SWAP70: variants seen among roughly 807,000 people sequenced by gnomAD.
The protein encoded by SWAP70 is switching B cell complex subunit SWAP70.
Under a neutral mutation model 80.2 loss-of-function variants are expected in SWAP70, and 34 were observed. That is an observed-to-expected ratio of 0.42 (90% CI 0.32 to 0.56). The LOEUF is 0.56. SWAP70 is among the 20% of genes least tolerant of loss of function. The probability of loss-of-function intolerance (pLI) is 0.09; values close to 1 mark genes in which losing one functional copy is unlikely to be tolerated. For missense variants in SWAP70, 578 were observed against 690.7 expected, an observed-to-expected ratio of 0.84 and a Z score of 1.83; for synonymous variants, 239 against 238.5, an observed-to-expected ratio of 1.00 and a Z score of -0.02.
intron 1 of SWAP70, among the ~76,000 whole-genome samples, chr11:9,672,314 G>A (rs1193225133): frequency 7.0e-6 from 1 of 142,876 alleles, no homozygotes; most frequent in East Asian, 2.0e-4. Flanking sequence ...TGAAAAGCTT[G>A]GAATATTGAC....
intron 1 of SWAP70, among the ~76,000 whole-genome samples, chr11:9,672,463 A>G (rs918305647): frequency 6.6e-6 from 1 of 150,802 alleles, no homozygotes; most frequent in African/African-American, 2.4e-5. Flanking sequence ...CTCCATGCTG[A>G]AGTGATCCTC....
At chr11:9,742,765 G>A (rs1243086178) in intron 9 of SWAP70, among the ~76,000 whole-genome samples, 2 of 152,120 alleles carry the variant, frequency 1.3e-5, no homozygotes, top group Non-Finnish European at 2.9e-5. Context: ...GGCCTTTCTG[G>A]ATAGAAAAAT....
chr11:9,678,356 C>G (rs1362356569), intron 1 of SWAP70, among the ~76,000 whole-genome samples: 2 of 151,736 alleles, frequency 1.3e-5, no homozygotes, highest in East Asian at 1.9e-4. Flanking sequence ...GGGCAGCTCT[C>G]TAAATAAAGA....
At chr11:9,708,402 T>C (rs137965755) in intron 2 of SWAP70, among the ~76,000 whole-genome samples, 1 of 152,348 alleles carries the variant, frequency 6.6e-6, no homozygotes, top group Non-Finnish European at 1.5e-5. Context: ...TAAGTGATGT[T>C]GAGCATCTTC....
chr11:9,679,660 T>C (rs1850542960), intron 1 of SWAP70, among the ~76,000 whole-genome samples: 1 of 152,128 alleles, frequency 6.6e-6, no homozygotes, highest in African/African-American at 2.4e-5. Context: ...ATTTTTTATA[T>C]TTTTATTTAT....
At chr11:9,673,699 C>G (rs1423878032) in intron 1 of SWAP70, among the ~76,000 whole-genome samples, 1 of 152,032 alleles carries the variant, frequency 6.6e-6, no homozygotes, top group Non-Finnish European at 1.5e-5. Flanking sequence ...AAATGAAGGT[C>G]TTGTGGCCTT....
chr11:9,691,081 C>CT (rs1850692153), intron 1 of SWAP70, among the ~76,000 whole-genome samples: 1 of 152,068 alleles, frequency 6.6e-6, no homozygotes, highest in Non-Finnish European at 1.5e-5. Context: ...CCACATCCAG[C>CT]TAGCTTTTGT....
intron 2 of SWAP70, among the ~76,000 whole-genome samples, chr11:9,700,377 G>A (rs760178455): frequency 1.3e-5 from 2 of 152,136 alleles, no homozygotes; most frequent in Non-Finnish European, 2.9e-5. Flanking sequence ...ATTGAGCAAA[G>A]ATTAGTGCCT....
In SWAP70 at chr11:9,732,680, C is replaced by G. The variant is rs1361289694; in HGVS notation, c.1050C>G (p.Ser350Arg). ...AGGAACTCCAGGCCGCCAACGAAAGCAAGCAGCAGGAGCTGGAGGCCGTGC... is the reference window on the plus strand; with the variant it reads ...AGGAACTCCAGGCCGCCAACGAAAGGAAGCAGCAGGAGCTGGAGGCCGTGC... Reference protein sequence around the residue: ...QMKELQAANESKQQELEAVRK... With the variant: ...QMKELQAANERKQQELEAVRK... Residue 350 changes from serine (S) to arginine (R), a missense_variant, in exon 7 of 12, where the codon AGC becomes AGG. Transcript: ENST00000318950. 4.5e-6 allele frequency: 7 copies of G among 1,556,836 alleles called. No individual in the cohort carries two copies. The highest frequency in any genetic ancestry group is 3.5e-6 in the Non-Finnish European group (4 of 1,149,994).
At position 9,740,165 on chromosome 11, in the gene SWAP70, C is replaced by T; in HGVS notation, c.1189-16C>T. The T allele has an allele frequency of 6.2e-6, 10 of 1,609,152 alleles. No individual in the cohort carries two copies. The highest frequency in any genetic ancestry group is 8.5e-6 in the Non-Finnish European group (10 of 1,177,328). On this transcript the variant is annotated splice_polypyrimidine_tract_variant and intron_variant, in intron 8 of 11. Coordinates refer to ENST00000318950, the MANE Select transcript of SWAP70 (RefSeq NM_015055.4). ...AAGTCAACCTGCATTTAAACAAGAC[C>T]CTTTTATACCAACAGATCAGACAGC...
intron 1 of SWAP70, among the ~76,000 whole-genome samples, chr11:9,682,724 A>G (rs1180827783): frequency 6.6e-6 from 1 of 152,038 alleles, no homozygotes; most frequent in Non-Finnish European, 1.5e-5. Context: ...TTGCCCACGC[A>G]GGAGTGCAGT....
chr11:9,680,851 A>G (rs1850558287), intron 1 of SWAP70: 1 of 152,208 alleles, frequency 6.6e-6, no homozygotes, highest in African/African-American at 2.4e-5. Flanking sequence ...GCAAATAGAG[A>G]AAAGGATATA....
chr11:9,679,321 T>G (rs886846322), intron 1 of SWAP70, among the ~76,000 whole-genome samples: 2 of 152,200 alleles, frequency 1.3e-5, no homozygotes, highest in African/African-American at 4.8e-5. Flanking sequence ...TCTGGTCATA[T>G]GGACAGTGTT....
chr11:9,716,758 T>C (rs1851071678), intron 3 of SWAP70, among the ~76,000 whole-genome samples: 1 of 152,162 alleles, frequency 6.6e-6, no homozygotes, highest in Admixed American at 6.5e-5. Context: ...TAGAAGTGTT[T>C]ATCTACAGCT....
chr11:9,676,904 C>T (rs1202872597), intron 1 of SWAP70, among the ~76,000 whole-genome samples: 3 of 152,054 alleles, frequency 2.0e-5, no homozygotes, highest in Non-Finnish European at 1.5e-5. Flanking sequence ...CCGCCTGCCT[C>T]GGCCTCCCAA....
chr11:9,699,472 C>G lies in SWAP70; in HGVS notation c.240+5186C>G, dbSNP rs572353638. Reference sequence around the variant, plus strand: ...TTATATGTAAATATGTCTAATATGTCAAATATTTGCTGAATATATTTCATA... The same window carrying G: ...TTATATGTAAATATGTCTAATATGTGAAATATTTGCTGAATATATTTCATA... On this transcript the variant is annotated intron_variant, in intron 2 of 11. Coordinates refer to ENST00000318950, the MANE Select transcript of SWAP70 (RefSeq NM_015055.4). 2.0e-5 allele frequency among the ~76,000 whole-genome samples: 3 copies of G among 151,820 alleles called. No individual in the cohort carries two copies. In the South Asian group the frequency reaches 6.2e-4, roughly 32 times the overall value.
rs949120621 is a variant in SWAP70, at chr11:9,724,845, A to G, written c.602A>G (p.Asn201Ser). 1.9e-6 allele frequency: 3 copies of G among 1,613,792 alleles called. No homozygotes were observed. Among genetic ancestry groups the G allele is most frequent in the Non-Finnish European group, 2.5e-6 (3 of 1,179,722 alleles). Residue 201 changes from asparagine to serine, a missense_variant, in exon 4 of 12, where the codon AAT becomes AGT. Transcript: ENST00000318950. ...MDRQTVSMAI[N>S]EVFNELILDV... ...CGGCAGACTGTGTCTATGGCAATTA[A>G]TGAAGTCTTTAATGAACTTATATTA...
intron 1 of SWAP70, among the ~76,000 whole-genome samples, chr11:9,682,949 T>C (rs1434192080): frequency 2.0e-5 from 3 of 152,222 alleles, no homozygotes; most frequent in African/African-American, 7.2e-5. Flanking sequence ...GTGCTGGGAT[T>C]ATAGGTGTGA....
intron 9 of SWAP70, among the ~76,000 whole-genome samples, chr11:9,745,305 G>A (rs963197398): frequency 6.6e-6 from 1 of 152,190 alleles, no homozygotes; most frequent in Non-Finnish European, 1.5e-5. Context: ...GTAATGCCTA[G>A]CATTTGGGAG....
Sources: gnomAD v4.1 joint callset for allele counts (sites outside exome capture counted in the v4.1 genomes callset) on GRCh38, gnomAD v4.1.1 for gene constraint, MANE v1.5 for transcripts, NCBI Gene and HGNC (gene_info 2026-07-23, HGNC 2026-07-21) for gene names.